The following ZHX2 variants were observed in gnomAD, a reference collection of about 807,000 sequenced individuals.
ZHX2 encodes zinc fingers and homeoboxes protein 2.
ZHX2 carries 6 observed loss-of-function variants against 21.9 expected under a neutral mutation model. That is an observed-to-expected ratio of 0.27 (90% CI 0.15 to 0.54). The LOEUF (loss-of-function observed/expected upper bound fraction) is 0.54. Among genes scored for constraint, ZHX2 ranks in the 20% least tolerant of loss-of-function variants. The pLI is 0.95. For synonymous variants in ZHX2, 434 were observed against 437.1 expected (o/e 0.99, Z 0.09); for missense variants, 908 against 1,090.7 (o/e 0.83, Z 2.36).
intron 2 of ZHX2, among the ~76,000 whole-genome samples, chr8:122,886,822 A>C (rs1819851902): frequency 1.3e-5 from 2 of 152,204 alleles, no homozygotes; most frequent in South Asian, 4.1e-4. Flanking sequence ...CTGTTCCCTA[A>C]TGAGCACTTC....
At chr8:122,908,466 TC>T (rs1563777048) in intron 2 of ZHX2, among the ~76,000 whole-genome samples, 2 of 152,190 alleles carry the variant, frequency 1.3e-5, no homozygotes, top group Non-Finnish European at 2.9e-5. Context: ...CACCTCGGCC[TC>T]CCAAAATGCT....
chr8:122,821,920 G>C (rs900111718), intron 1 of ZHX2, among the ~76,000 whole-genome samples: 1 of 152,084 alleles, frequency 6.6e-6, no homozygotes, highest in Non-Finnish European at 1.5e-5. Context: ...GGCCAGGCTG[G>C]TCTTGAACTC....
intron 2 of ZHX2, among the ~76,000 whole-genome samples, chr8:122,949,143 G>A (rs1813048044): frequency 6.6e-6 from 1 of 152,122 alleles, no homozygotes; most frequent in Admixed American, 6.5e-5. Flanking sequence ...TGACCAACAT[G>A]GAGAAACCCC....
intron 1 of ZHX2, among the ~76,000 whole-genome samples, chr8:122,838,570 G>A (rs1280808515): frequency 7.2e-6 from 1 of 138,848 alleles, no homozygotes; most frequent in Non-Finnish European, 1.5e-5. Flanking sequence ...ATTTAGTAAT[G>A]TGATTTTTTT....
intron 1 of ZHX2, among the ~76,000 whole-genome samples, chr8:122,844,322 C>A (rs886409212): frequency 2.6e-5 from 4 of 152,392 alleles, no homozygotes; most frequent in African/African-American, 9.6e-5. Context: ...GAAGAATCAG[C>A]TGACATTGCA....
chr8:122,900,165 C>G (rs183459780), intron 2 of ZHX2, among the ~76,000 whole-genome samples: 1 of 152,282 alleles, frequency 6.6e-6, no homozygotes, highest in East Asian at 1.9e-4. Flanking sequence ...AAAGGAGTAT[C>G]TGAGGTTAGG....
intron 1 of ZHX2, among the ~76,000 whole-genome samples, chr8:122,799,366 A>AAC (rs1817673391): frequency 6.6e-6 from 1 of 151,864 alleles, no homozygotes; most frequent in Non-Finnish European, 1.5e-5. Flanking sequence ...AACCTGGGCT[A>AAC]ACACCCTTTG....
At chr8:122,844,991 G>A (rs144187317) in intron 1 of ZHX2, among the ~76,000 whole-genome samples, 45 of 152,264 alleles carry the variant, frequency 3.0e-4, no homozygotes, top group African/African-American at 9.9e-4. Context: ...CTGCCCAACC[G>A]TATCATCCCT....
chr8:122,836,745 T>G (rs931573560), intron 1 of ZHX2, among the ~76,000 whole-genome samples: 2 of 152,264 alleles, frequency 1.3e-5, no homozygotes, highest in Non-Finnish European at 2.9e-5. Flanking sequence ...GCCGGCTTTC[T>G]TCCTGCTTCT....
rs371607208 is a variant in ZHX2 at position 122,951,567 on chromosome 8, A to G, written c.57A>G (p.Val19=). 2 of 1,613,836 alleles carry G rather than the reference A, an allele frequency of 1.2e-6. No individual in the cohort carries two copies. The highest frequency in any genetic ancestry group is 1.3e-5 in the African/African-American group (1 of 74,912). ...GCATGGTTCGGACATCACAAGTAGT[A>G]GAACAAGATGTGCCCGAGGAAGTAG... ...TPCMVRTSQV[V]EQDVPEEVDR... The change falls in exon 3 of 4, where the codon GTA becomes GTG. Residue 19 remains valine (V), a synonymous_variant. Transcript: ENST00000314393.
At chr8:122,839,809 T>C (rs1220157219) in intron 1 of ZHX2, among the ~76,000 whole-genome samples, 4 of 152,214 alleles carry the variant, frequency 2.6e-5, no homozygotes, top group African/African-American at 9.6e-5. Flanking sequence ...GTTATACATA[T>C]GCCTGGTTAT....
At chr8:122,851,266 A>G (rs544342118) in intron 1 of ZHX2, among the ~76,000 whole-genome samples, 1 of 152,320 alleles carries the variant, frequency 6.6e-6, no homozygotes, top group African/African-American at 2.4e-5. Context: ...TGGCCTGTTC[A>G]TTGGGGTTAA....
intron 2 of ZHX2, among the ~76,000 whole-genome samples, chr8:122,907,642 G>A (rs1438622237): frequency 6.6e-6 from 1 of 152,196 alleles, no homozygotes; most frequent in Non-Finnish European, 1.5e-5. Context: ...CTTCCAAAGT[G>A]CCCAATCAGC....
At chr8:122,785,698 A>G (rs935098483) in intron 1 of ZHX2, among the ~76,000 whole-genome samples, 6 of 152,122 alleles carry the variant, frequency 3.9e-5, no homozygotes, top group African/African-American at 1.4e-4. Context: ...GGGTGAAAGG[A>G]GGAATGGTTG....
intron 2 of ZHX2, among the ~76,000 whole-genome samples, chr8:122,893,697 C>T (rs1285675114): frequency 6.6e-6 from 1 of 152,064 alleles, no homozygotes; most frequent in African/African-American, 2.4e-5. Flanking sequence ...TCTTTGTTGA[C>T]TTTCTCATTG....
intron 2 of ZHX2, among the ~76,000 whole-genome samples, chr8:122,875,165 A>ATCCTT (rs1819540310): frequency 6.5e-5 from 3 of 46,070 alleles, no homozygotes; most frequent in Non-Finnish European, 7.9e-5. Flanking sequence ...ATATATATAT[A>ATCCTT]TATATATATA....
intron 2 of ZHX2, among the ~76,000 whole-genome samples, chr8:122,881,069 A>G (rs1192136600): frequency 3.3e-5 from 5 of 152,194 alleles, no homozygotes; most frequent in Admixed American, 1.3e-4. Flanking sequence ...CCATTGACCT[A>G]CGTGACTGAG....
At chr8:122,928,068 C>G (rs975312381) in intron 2 of ZHX2, among the ~76,000 whole-genome samples, 2 of 152,148 alleles carry the variant, frequency 1.3e-5, no homozygotes, top group Non-Finnish European at 2.9e-5. Context: ...GACGCTTGCA[C>G]TATCAGTACT....
chr8:122,876,463 G>A (rs1302139655), intron 2 of ZHX2, among the ~76,000 whole-genome samples: 2 of 152,076 alleles, frequency 1.3e-5, no homozygotes, highest in Non-Finnish European at 2.9e-5. Context: ...AACTACAAAG[G>A]GCTTAGAGGG....
Sources: gnomAD v4.1 joint callset for allele counts (sites outside exome capture counted in the v4.1 genomes callset) on GRCh38, gnomAD v4.1.1 for gene constraint, MANE v1.5 for transcripts, NCBI Gene and HGNC (gene_info 2026-07-23, HGNC 2026-07-21) for gene names.